Variants in HYAL4 observed in about 807,000 individuals in gnomAD.
HYAL4 encodes hyaluronidase 4, also known as hyaluronidase-4.
A neutral mutation model predicts 35.2 loss-of-function variants in HYAL4; 37 were observed. That is an observed-to-expected ratio of 1.05 (90% confidence interval 0.81 to 1.38). HYAL4 has a LOEUF of 1.38. Ranked by LOEUF, HYAL4 falls within the 40% of genes most tolerant of loss-of-function variation. The pLI is 0.00. For synonymous variants in HYAL4, 198 were observed against 203.2 expected, an observed-to-expected ratio of 0.97 and a Z score of 0.22; for missense variants, 572 against 572.4, an observed-to-expected ratio of 1.00 and a Z score of 0.01.
At chr7:123,787,462 C>T in the HYAL4 span, among the ~76,000 whole-genome samples, 2 of 152,158 alleles carry the variant, frequency 1.3e-5, no homozygotes, top group Non-Finnish European at 2.9e-5. Flanking sequence ...TGTCCTCCTC[C>T]ATGCTCAACT....
chr7:123,875,563 A>T (rs990920579), intron 4 of HYAL4, among the ~76,000 whole-genome samples: 1 of 151,534 alleles, frequency 6.6e-6, no homozygotes, highest in Non-Finnish European at 1.5e-5. Context: ...AGGCTGAGGC[A>T]GGAGAATCAC....
the HYAL4 span, among the ~76,000 whole-genome samples, chr7:123,795,680 G>A: frequency 1.3e-5 from 2 of 152,196 alleles, no homozygotes; most frequent in African/African-American, 4.8e-5. Context: ...CCCAAGCCAT[G>A]CTGAACTTAA....
the HYAL4 span, among the ~76,000 whole-genome samples, chr7:123,788,116 G>T: frequency 1.3e-5 from 2 of 152,124 alleles, no homozygotes; most frequent in Non-Finnish European, 2.9e-5. Flanking sequence ...CCTGGAGTTC[G>T]AGACTAGCCT....
the HYAL4 span, among the ~76,000 whole-genome samples, chr7:123,771,237 C>T: frequency 1.4e-4 from 22 of 152,222 alleles, no homozygotes; most frequent in Admixed American, 9.2e-4. Context: ...TTGCTTGGTA[C>T]GATGTTAACT....
chr7:123,793,762 G>A, the HYAL4 span, among the ~76,000 whole-genome samples: 1 of 152,124 alleles, frequency 6.6e-6, no homozygotes. Context: ...CCAGTCTCAG[G>A]TATGACTTTA....
At chr7:123,860,352 AATT>A (rs912976913) in intron 2 of HYAL4, among the ~76,000 whole-genome samples, 14 of 152,268 alleles carry the variant, frequency 9.2e-5, no homozygotes, top group African/African-American at 3.4e-4. Context: ...TCAGTACACA[AATT>A]ATTATACTGT....
the HYAL4 span, among the ~76,000 whole-genome samples, chr7:123,802,512 C>T: frequency 6.6e-6 from 1 of 152,116 alleles, no homozygotes; most frequent in South Asian, 2.1e-4. Flanking sequence ...GTTCCATTTA[C>T]TTTGTCTTGT....
the HYAL4 span, chr7:123,790,671 T>C: frequency 6.6e-6 from 1 of 151,836 alleles, no homozygotes; most frequent in Non-Finnish European, 1.5e-5. Context: ...ATCTTCTCTG[T>C]ATCGTTCCAA....
chr7:123,776,772 C>T, the HYAL4 span, among the ~76,000 whole-genome samples: 3 of 152,190 alleles, frequency 2.0e-5, no homozygotes, highest in Admixed American at 1.3e-4. Flanking sequence ...ACATGTCCTA[C>T]ATTTTGGGGC....
At chr7:123,784,408 A>G in the HYAL4 span, among the ~76,000 whole-genome samples, 1 of 152,314 alleles carries the variant, frequency 6.6e-6, no homozygotes, top group Admixed American at 6.5e-5. Context: ...TAAGCCTCAC[A>G]CTGACCTCAC....
At chr7:123,783,914 C>A in the HYAL4 span, among the ~76,000 whole-genome samples, 1 of 152,142 alleles carries the variant, frequency 6.6e-6, no homozygotes, top group South Asian at 2.1e-4. Context: ...AAGTTACCAC[C>A]ACATAAAATA....
At chr7:123,798,102 T>C in the HYAL4 span, among the ~76,000 whole-genome samples, 1 of 152,204 alleles carries the variant, frequency 6.6e-6, no homozygotes, top group Non-Finnish European at 1.5e-5. Context: ...CCTGTGTTGA[T>C]ATTCAAATTG....
At chr7:123,875,679 A>G (rs1392771031) in intron 4 of HYAL4, among the ~76,000 whole-genome samples, 2 of 151,742 alleles carry the variant, frequency 1.3e-5, no homozygotes, top group East Asian at 1.9e-4. Flanking sequence ...AAAAGAAAAA[A>G]AAAAGATTTA....
intron 1 of HYAL4, among the ~76,000 whole-genome samples, chr7:123,846,237 G>T (rs1278432314): frequency 1.3e-5 from 2 of 152,086 alleles, no homozygotes; most frequent in Admixed American, 6.6e-5. Flanking sequence ...GTCTTCAGCT[G>T]CCAGGGTGGG....
the HYAL4 span, among the ~76,000 whole-genome samples, chr7:123,796,419 ATCTT>A: frequency 6.6e-6 from 1 of 152,214 alleles, no homozygotes. Flanking sequence ...TAATTATTTA[ATCTT>A]TAAATCAACT....
the HYAL4 span, among the ~76,000 whole-genome samples, chr7:123,787,600 C>T: frequency 2.6e-5 from 4 of 152,162 alleles, no homozygotes; most frequent in Admixed American, 2.6e-4. Context: ...GACCCAAGTC[C>T]CTACCCGCCT....
intron 2 of HYAL4, among the ~76,000 whole-genome samples, chr7:123,862,677 G>T (rs1186885248): frequency 6.7e-6 from 1 of 150,192 alleles, no homozygotes; most frequent in Admixed American, 6.6e-5. Flanking sequence ...AAAATATTAT[G>T]GTCTCATAAA....
the HYAL4 span, among the ~76,000 whole-genome samples, chr7:123,785,844 T>C: frequency 6.6e-6 from 1 of 152,204 alleles, no homozygotes; most frequent in Non-Finnish European, 1.5e-5. This position sits in a 1 kb window ranked among gnomAD's most constrained non-coding sequence, Gnocchi z 4.5. Flanking sequence ...ATTGAAAATA[T>C]GTTGCCAGAT....
intron 1 of HYAL4, among the ~76,000 whole-genome samples, chr7:123,839,234 G>A (rs933909551): frequency 2.0e-5 from 3 of 150,118 alleles, no homozygotes; most frequent in Non-Finnish European, 3.0e-5. Context: ...AGAACATGTG[G>A]TGTTTGGTTT....
Sources: gnomAD v4.1 joint callset for allele counts (sites outside exome capture counted in the v4.1 genomes callset) on GRCh38, gnomAD v4.1.1 for gene constraint, Gnocchi (gnomAD v3.1) non-coding constraint, MANE v1.5 for transcripts, NCBI Gene and HGNC (gene_info 2026-07-23, HGNC 2026-07-21) for gene names.